KIAA1217: variants seen among roughly 807,000 people sequenced by gnomAD.
KIAA1217 encodes the protein sickle tail protein homolog.
In KIAA1217, 88 loss-of-function variants were observed where a neutral mutation model predicts 163.9. That is an observed-to-expected ratio of 0.54 (90% CI 0.45 to 0.64). The LOEUF (loss-of-function observed/expected upper bound fraction) is 0.64. KIAA1217 is among the 30% of genes least tolerant of loss of function. KIAA1217 has a pLI of 0.00. For missense variants in KIAA1217, 2,372 were observed against 2,475.0 expected (o/e 0.96, Z 0.88); for synonymous variants, 903 against 923.1 (o/e 0.98, Z 0.39).
At chr10:24,381,984 G>A (rs775193015) in intron 3 of KIAA1217, among the ~76,000 whole-genome samples, 48 of 151,898 alleles carry the variant, frequency 3.2e-4, no homozygotes, top group Non-Finnish European at 4.1e-4. Context: ...AAGGCAGAAG[G>A]ATTCTTTTTA....
intron 2 of KIAA1217, among the ~76,000 whole-genome samples, chr10:24,178,559 G>A (rs1481716001): frequency 3.9e-5 from 6 of 152,162 alleles, no homozygotes; most frequent in Non-Finnish European, 8.8e-5. Context: ...ATATTAGATT[G>A]TACCATTTTA....
At chr10:23,874,048 G>C (rs1272051425) in intron 1 of KIAA1217, among the ~76,000 whole-genome samples, 2 of 151,972 alleles carry the variant, frequency 1.3e-5, no homozygotes, top group African/African-American at 2.4e-5. Context: ...TACATAGAAA[G>C]AATATGTGCA....
At chr10:24,250,120 C>G (rs1223737475) in intron 2 of KIAA1217, among the ~76,000 whole-genome samples, 32 of 152,152 alleles carry the variant, frequency 2.1e-4, no homozygotes, top group Admixed American at 2.0e-3. Flanking sequence ...GTGTAACTCA[C>G]CCCTGAAGTC....
chr10:23,891,234 G>T (rs932911858), intron 1 of KIAA1217, among the ~76,000 whole-genome samples: 1 of 151,958 alleles, frequency 6.6e-6, no homozygotes, highest in Non-Finnish European at 1.5e-5. Flanking sequence ...TACACTTAAT[G>T]TACCAATTGA....
chr10:23,871,777 C>T (rs1167751236), intron 1 of KIAA1217, among the ~76,000 whole-genome samples: 1 of 152,070 alleles, frequency 6.6e-6, no homozygotes, highest in Non-Finnish European at 1.5e-5. Context: ...GTTACAGATT[C>T]AAGAAGTACT....
chr10:23,794,388 C>T (rs1836100451), intron 1 of KIAA1217, among the ~76,000 whole-genome samples: 1 of 152,170 alleles, frequency 6.6e-6, no homozygotes, highest in African/African-American at 2.4e-5. Context: ...CCATCCTGTT[C>T]TACTCTCTAT....
At chr10:24,223,276 C>G (rs964796820) in intron 2 of KIAA1217, among the ~76,000 whole-genome samples, 1 of 152,184 alleles carries the variant, frequency 6.6e-6, no homozygotes, top group African/African-American at 2.4e-5. Flanking sequence ...TGTCATTGCC[C>G]TTCTGCAAGC....
intron 2 of KIAA1217, among the ~76,000 whole-genome samples, chr10:24,069,957 A>G (rs1380137038): frequency 1.3e-5 from 2 of 152,146 alleles, no homozygotes; most frequent in Non-Finnish European, 2.9e-5. Context: ...CTCCTGCTTC[A>G]GCCTCCTGAG....
intron 1 of KIAA1217, among the ~76,000 whole-genome samples, chr10:23,950,011 G>A (rs1012352897): frequency 6.6e-6 from 1 of 152,090 alleles, no homozygotes; most frequent in Non-Finnish European, 1.5e-5. Flanking sequence ...ATCATCTCAA[G>A]CGTAGATTAA....
At chr10:24,441,603 G>T (rs1187716944) in intron 5 of KIAA1217, among the ~76,000 whole-genome samples, 1 of 152,024 alleles carries the variant, frequency 6.6e-6, no homozygotes, top group Non-Finnish European at 1.5e-5. Flanking sequence ...CATTTTTGAG[G>T]CTAGTCTGTC....
chr10:24,173,606 G>C (rs1167633400), intron 2 of KIAA1217, among the ~76,000 whole-genome samples: 1 of 151,960 alleles, frequency 6.6e-6, no homozygotes, highest in Non-Finnish European at 1.5e-5. Context: ...GAGATCATCT[G>C]GTTCAATACT....
At chr10:23,989,487 A>C (rs1319030617) in intron 1 of KIAA1217, among the ~76,000 whole-genome samples, 1 of 152,200 alleles carries the variant, frequency 6.6e-6, no homozygotes, top group Non-Finnish European at 1.5e-5. Flanking sequence ...GTGTGTTCAG[A>C]TTCTCCTTGG....
intron 1 of KIAA1217, among the ~76,000 whole-genome samples, chr10:23,875,505 T>C (rs898012021): frequency 7.2e-5 from 11 of 151,988 alleles, no homozygotes; most frequent in African/African-American, 2.7e-4. Context: ...TCCAGTTTTA[T>C]ATGGTACGGT....
chr10:23,911,947 A>G (rs935110115), intron 1 of KIAA1217, among the ~76,000 whole-genome samples: 2 of 151,926 alleles, frequency 1.3e-5, no homozygotes, highest in Non-Finnish European at 2.9e-5. Context: ...TACAAATCAT[A>G]CCCTCCACTA....
intron 2 of KIAA1217, among the ~76,000 whole-genome samples, chr10:24,256,135 C>T (rs2075134536): frequency 1.3e-5 from 2 of 150,888 alleles, no homozygotes; most frequent in Admixed American, 6.6e-5. Flanking sequence ...TTTCTAAAAG[C>T]AGGCACAGTT....
intron 1 of KIAA1217, among the ~76,000 whole-genome samples, chr10:23,862,217 A>T (rs544659799): frequency 6.6e-6 from 1 of 152,258 alleles, no homozygotes; most frequent in South Asian, 2.1e-4. Context: ...GCTTCTTTTA[A>T]TCCATAGTAA....
intron 2 of KIAA1217, among the ~76,000 whole-genome samples, chr10:24,370,421 A>G (rs1270289490): frequency 6.6e-6 from 1 of 152,182 alleles, no homozygotes; most frequent in Non-Finnish European, 1.5e-5. Flanking sequence ...CATACATGAT[A>G]TTTTACATAT....
chr10:24,353,045 G>A (rs77616347), intron 2 of KIAA1217, among the ~76,000 whole-genome samples: 1,751 of 152,006 alleles, frequency 0.012, 33 homozygotes, highest in African/African-American at 0.04. Context: ...ATCAGCTTTA[G>A]ACCCACAGCA....
intron 6 of KIAA1217, among the ~76,000 whole-genome samples, chr10:24,474,865 C>A (rs2063841819): frequency 6.6e-6 from 1 of 152,088 alleles, no homozygotes; most frequent in Admixed American, 6.5e-5. Context: ...GAAATTGAGT[C>A]CAAAGAAGGT....
Sources: allele counts gnomAD v4.1 joint callset (sites outside exome capture counted in the v4.1 genomes callset), GRCh38; gene constraint gnomAD v4.1.1; transcripts MANE v1.5; gene names NCBI Gene and HGNC (gene_info 2026-07-23, HGNC 2026-07-21).